The following WASL variants were observed in gnomAD, a reference collection of about 807,000 sequenced individuals.
The protein encoded by WASL is actin nucleation-promoting factor WASL.
Under a neutral mutation model 55.5 loss-of-function variants are expected in WASL, and 20 were observed. The observed-to-expected ratio is 0.36, with a 90% confidence interval of 0.25 to 0.52. WASL has a LOEUF of 0.52. Among genes scored for constraint, WASL ranks in the 20% least tolerant of loss-of-function variants. The probability of loss-of-function intolerance (pLI) is 0.92; values close to 1 mark genes in which losing one functional copy is unlikely to be tolerated. For synonymous variants in WASL, 249 were observed against 217.6 expected, an observed-to-expected ratio of 1.14 and a Z score of -1.27; for missense variants, 504 against 622.5, an observed-to-expected ratio of 0.81 and a Z score of 2.03.
chr7:123,694,636 A>G (rs1438633507), intron 8 of WASL, 79 bp downstream of exon 8: 2 of 1,454,764 alleles, frequency 1.4e-6, no homozygotes, highest in East Asian at 2.4e-5. Flanking sequence ...GTTCACATGT[A>G]TGAATGTTAA....
chr7:123,720,398 ACTGTTATCTG>A, intron 1 of WASL: 2 of 435,772 alleles, frequency 4.6e-6, no homozygotes, highest in South Asian at 3.3e-5. Flanking sequence ...AACAAGATAC[ACTGTTATCTG>A]AATAAAAGGC....
At chr7:123,728,710 C>T (rs896274804) in intron 1 of WASL, among the ~76,000 whole-genome samples, 1 of 152,064 alleles carries the variant, frequency 6.6e-6, no homozygotes, top group Non-Finnish European at 1.5e-5. Flanking sequence ...GTGGTGAGCA[C>T]CTGTAATCCC....
At chr7:123,743,916 C>T (rs1484560952) in intron 1 of WASL, among the ~76,000 whole-genome samples, 1 of 152,218 alleles carries the variant, frequency 6.6e-6, no homozygotes, top group Non-Finnish European at 1.5e-5. Flanking sequence ...CTTACAGCTA[C>T]GCTGCGTCAC....
chr7:123,721,277 T>C (rs1803938480), intron 1 of WASL, among the ~76,000 whole-genome samples: 1 of 150,530 alleles, frequency 6.6e-6, no homozygotes, highest in Admixed American at 6.7e-5. Context: ...CACAGGGATG[T>C]ACATATACTT....
intron 10 of WASL, 45 bp from the exon 11 acceptor site, chr7:123,684,625 GACATT>G: frequency 6.8e-7 from 1 of 1,478,258 alleles, no homozygotes; most frequent in Non-Finnish European, 9.1e-7. Flanking sequence ...TAAATAAAAT[GACATT>G]ACATAATTCT....
intron 1 of WASL, among the ~76,000 whole-genome samples, chr7:123,744,311 T>C (rs1047664850): frequency 6.6e-6 from 1 of 152,146 alleles, no homozygotes; most frequent in African/African-American, 2.4e-5. Context: ...AACAACCTAA[T>C]CAAGCAATAA....
In WASL at chr7:123,709,991, A is replaced by G. The variant is rs201269611; in HGVS notation, c.118-768T>C. Among the ~76,000 whole-genome samples the G allele has an allele frequency of 5.3e-5, 8 of 152,308 alleles. No individual in the cohort carries two copies. In the East Asian group the frequency reaches 1.5e-3, roughly 29 times the overall value. Reference sequence around the variant, plus strand: ...TATAGGAGGGAAGCTAACTCGTTACATGCAATGGACACTTCAGGGCATTAG... The same window carrying G: ...TATAGGAGGGAAGCTAACTCGTTACGTGCAATGGACACTTCAGGGCATTAG... On this transcript the variant is annotated intron_variant, in intron 1 of 10. Transcript: ENST00000223023.
chr7:123,741,691 G>A (rs1804344854), intron 1 of WASL, among the ~76,000 whole-genome samples: 1 of 152,114 alleles, frequency 6.6e-6, no homozygotes, highest in Non-Finnish European at 1.5e-5. Flanking sequence ...GGACAAAAGT[G>A]AAATACATGA....
chr7:123,699,362 G>A (rs562362438), intron 5 of WASL, among the ~76,000 whole-genome samples: 1 of 152,200 alleles, frequency 6.6e-6, no homozygotes, highest in Admixed American at 6.5e-5. Context: ...GGGCGACAGA[G>A]CAAGACCCTG....
At chr7:123,747,724 A>G (rs919452535) in intron 1 of WASL, among the ~76,000 whole-genome samples, 37 of 152,256 alleles carry the variant, frequency 2.4e-4, no homozygotes, top group Middle Eastern at 6.8e-3. Flanking sequence ...TGATCCCGAC[A>G]AGGCCTACAC....
chr7:123,730,485 C>T (rs1213532204), intron 1 of WASL, among the ~76,000 whole-genome samples: 3 of 151,764 alleles, frequency 2.0e-5, no homozygotes, highest in Non-Finnish European at 2.9e-5. Context: ...GAGTATAATT[C>T]GATACTAGAT....
At chr7:123,688,910 TACTC>T (rs1407081293) in intron 10 of WASL, 128 bp downstream of exon 10, 7 of 812,540 alleles carry the variant, frequency 8.6e-6, no homozygotes, top group African/African-American at 1.7e-5. Flanking sequence ...CATCAGTAGT[TACTC>T]AATTAGCAGA....
chr7:123,743,696 C>T (rs950504418), intron 1 of WASL, among the ~76,000 whole-genome samples: 1 of 152,164 alleles, frequency 6.6e-6, no homozygotes, highest in African/African-American at 2.4e-5. Flanking sequence ...CCTCCAAACT[C>T]CCAGAATACT....
chr7:123,730,218 T>C (rs952375958), intron 1 of WASL, among the ~76,000 whole-genome samples: 16 of 152,282 alleles, frequency 1.1e-4, no homozygotes, highest in Non-Finnish European at 1.9e-4. Flanking sequence ...TAAAGTTCTT[T>C]AGAGAAAATG....
chr7:123,691,172 T>G (rs1803402044), intron 9 of WASL, among the ~76,000 whole-genome samples: 2 of 152,214 alleles, frequency 1.3e-5, no homozygotes, highest in African/African-American at 4.8e-5. Context: ...TCTAGAAAGT[T>G]ACTTTAATTC....
intron 1 of WASL, chr7:123,720,262 C>T (rs1281608321): frequency 2.4e-5 from 10 of 412,756 alleles, no homozygotes; most frequent in Non-Finnish European, 4.2e-5. Context: ...CAAAATTACT[C>T]GAATATTTTG....
At chr7:123,702,795 G>A (rs750209672) in intron 5 of WASL, among the ~76,000 whole-genome samples, 12 of 152,134 alleles carry the variant, frequency 7.9e-5, no homozygotes, top group African/African-American at 2.4e-4. Context: ...TGTTTGTATC[G>A]CAGACTTGAG....
chr7:123,744,674 G>A (rs1189738669), intron 1 of WASL, among the ~76,000 whole-genome samples: 2 of 152,014 alleles, frequency 1.3e-5, no homozygotes, highest in East Asian at 1.9e-4. Context: ...CTGTAGAGAC[G>A]TAGTTTAATG....
chr7:123,707,915 G>T (rs1468554642), intron 2 of WASL, among the ~76,000 whole-genome samples: 1 of 152,186 alleles, frequency 6.6e-6, no homozygotes, highest in Non-Finnish European at 1.5e-5. Flanking sequence ...CCCGGGACTG[G>T]TGGCTCAGGC....
Sources: gnomAD v4.1 joint callset for allele counts (sites outside exome capture counted in the v4.1 genomes callset) on GRCh38, gnomAD v4.1.1 for gene constraint, MANE v1.5 for transcripts, NCBI Gene and HGNC (gene_info 2026-07-23, HGNC 2026-07-21) for gene names.